The following CABIN1 variants were observed in gnomAD, a reference collection of about 807,000 sequenced individuals.
The protein encoded by CABIN1 is calcineurin-binding protein cabin-1.
Under a neutral mutation model 227.7 loss-of-function variants are expected in CABIN1, and 133 were observed. The observed-to-expected ratio is 0.58, with a 90% CI of 0.51 to 0.67. CABIN1 has a LOEUF of 0.67. Among genes scored for constraint, CABIN1 ranks in the 30% least tolerant of loss-of-function variants. The pLI is 0.00. For missense variants in CABIN1, 2,408 were observed against 2,852.5 expected (o/e 0.84, Z 3.55); for synonymous variants, 1,086 against 1,155.1 (o/e 0.94, Z 1.21).
intron 27 of CABIN1, among the ~76,000 whole-genome samples, chr22:24,118,797 G>A (rs2043230825): frequency 6.6e-6 from 1 of 152,224 alleles, no homozygotes; most frequent in African/African-American, 2.4e-5. Context: ...GATGTGAACT[G>A]CTGCCCCATG....
chr22:24,169,072 G>C (rs918844954), intron 33 of CABIN1, among the ~76,000 whole-genome samples: 3 of 151,320 alleles, frequency 2.0e-5, no homozygotes, highest in Non-Finnish European at 2.9e-5. Flanking sequence ...GGGCTGGGGA[G>C]GGGGGGGCGG....
chr22:24,112,517 C>T (rs545880033), intron 26 of CABIN1, among the ~76,000 whole-genome samples: 10 of 152,260 alleles, frequency 6.6e-5, no homozygotes, highest in African/African-American at 1.9e-4. Context: ...GGAGGGTACT[C>T]CTCCATGTTC....
chr22:24,160,335 C>T (rs35849086), intron 29 of CABIN1: 2,812 of 152,394 alleles, frequency 0.018, 34 homozygotes, highest in Middle Eastern at 0.031. Flanking sequence ...TCCAGGGGCA[C>T]TTGATTTCCT....
chr22:24,091,095 C>T (rs1362354196), intron 23 of CABIN1, among the ~76,000 whole-genome samples: 1 of 152,160 alleles, frequency 6.6e-6, no homozygotes, highest in Non-Finnish European at 1.5e-5. Context: ...GGAATTTGCC[C>T]TTCTACAAGT....
intron 34 of CABIN1, among the ~76,000 whole-genome samples, chr22:24,172,682 A>C (rs965740559): frequency 6.6e-6 from 1 of 152,224 alleles, no homozygotes; most frequent in Non-Finnish European, 1.5e-5. Flanking sequence ...GGCAGCCTGC[A>C]GACAGCTAAG....
At chr22:24,077,280 A>G (rs981468015) in intron 19 of CABIN1, among the ~76,000 whole-genome samples, 2 of 152,148 alleles carry the variant, frequency 1.3e-5, no homozygotes, top group Non-Finnish European at 2.9e-5. Context: ...ACTGAAATTA[A>G]CTTTAGAGAG....
chr22:24,156,927 C>T (rs990677645), intron 29 of CABIN1, among the ~76,000 whole-genome samples: 1 of 152,178 alleles, frequency 6.6e-6, no homozygotes, highest in Non-Finnish European at 1.5e-5. Flanking sequence ...GCAGGAGAGG[C>T]TGGAAACGAG....
intron 26 of CABIN1, among the ~76,000 whole-genome samples, chr22:24,103,573 G>A (rs954583684): frequency 1.3e-5 from 2 of 152,150 alleles, no homozygotes; most frequent in Non-Finnish European, 2.9e-5. Context: ...GTCAGTTTCT[G>A]GTTGGAGTGC....
At chr22:24,033,260 A>G (rs534867220) in intron 1 of CABIN1, among the ~76,000 whole-genome samples, 1 of 152,336 alleles carries the variant, frequency 6.6e-6, no homozygotes, top group South Asian at 2.1e-4. Flanking sequence ...CTCAGAGCCT[A>G]TTGTGAAAGC....
rs1211172511 is a variant in CABIN1, at chr22:24,098,169, C to T, written c.4094C>T (p.Pro1365Leu). 1.9e-6 allele frequency: 3 copies of T among 1,614,058 alleles called. No homozygotes were observed. The Admixed American group carries it at 5.0e-5, about 27-fold the overall frequency. The change falls in exon 26 of 37, where the codon CCC (proline) becomes CTC (leucine). Residue 1365 changes from proline to leucine, a missense_variant. Pro to Leu is a moderately conservative substitution (Grantham distance 98). Around this residue, in one of 3 missense-constraint regions of CABIN1, gnomAD observed 649 missense variants for 910.3 expected, o/e 0.71. Coordinates refer to ENST00000263119, the MANE Select transcript of CABIN1 (RefSeq NM_012295.4). ...IDHDYVKCKK[P>L]HQQATPDDRS... ...CACGATTACGTCAAATGTAAAAAAC[C>T]CCACCAGCAGGCAACGCCGGACGGT... is the stretch of plus-strand genomic sequence containing the variant.
At chr22:24,014,346 C>T (rs2035074085) in intron 1 of CABIN1, among the ~76,000 whole-genome samples, 1 of 151,922 alleles carries the variant, frequency 6.6e-6, no homozygotes, top group African/African-American at 2.4e-5. Flanking sequence ...TATTTTGTTG[C>T]TTACTGTTCC....
intron 7 of CABIN1, among the ~76,000 whole-genome samples, chr22:24,049,996 T>C (rs956008432): frequency 2.0e-5 from 3 of 152,176 alleles, no homozygotes; most frequent in African/African-American, 7.2e-5. Context: ...AACTTATCTG[T>C]TTCTCAGGTC....
Position 24,171,796 on chromosome 22 carries a change from C to T in CABIN1, c.5841C>T (p.Ala1947=). ...NFFPVTVVPT[A]PDPVPADSVQ... ...TTCCTGTGACAGTGGTGCCCACAGC[C>T]CCTGACCCTGTGCCAGCTGACTCTG... is the stretch of plus-strand genomic sequence containing the variant. The change falls in exon 34 of 37, where the codon GCC becomes GCT. Residue 1947 remains alanine (A), a synonymous_variant. Coordinates refer to ENST00000263119, the MANE Select transcript of CABIN1 (RefSeq NM_012295.4). 3 of 1,614,192 alleles carry T rather than the reference C, an allele frequency of 1.9e-6. No individual in the cohort carries two copies. The highest frequency in any genetic ancestry group is 2.5e-6 in the Non-Finnish European group (3 of 1,180,048).
chr22:24,056,523 G>C lies in CABIN1; in HGVS notation c.1262+163G>C, dbSNP rs1443467148. 5.5e-6 allele frequency: 4 copies of C among 723,808 alleles called. No homozygotes were observed. In the Admixed American group the frequency reaches 8.0e-5, roughly 15 times the overall value. 44.8% of individuals were successfully genotyped at this position (723,808 alleles called of 1,614,324 possible). A position where few individuals can be genotyped will look rare whatever the true frequency, so the allele number is the denominator to read the frequency against. On this transcript the variant is annotated intron_variant, in intron 10 of 36. Transcript: ENST00000263119. ...TGAAGCACAAATCTCACTGGAGTAG[G>C]ATCTTGGATTTTTCTCGCCTCTTCC...
Position 24,059,998 on chromosome 22 carries a change from C to G in CABIN1, c.1474C>G (p.Leu492Val), listed in dbSNP as rs537377352. 6.2e-7 allele frequency: 1 copy of G among 1,614,230 alleles called. No homozygotes were observed. Among genetic ancestry groups the G allele is most frequent in the East Asian group, 2.2e-5 (1 of 44,888 alleles). Residue 492 changes from leucine to valine, a missense_variant, in exon 12 of 37, where the codon CTG (leucine) becomes GTG (valine). Leu to Val is a conservative substitution (Grantham distance 32). This residue lies in a region of CABIN1 where 1,045 missense variants were observed against 1,168.4 expected (regional missense o/e 0.89). Coordinates refer to ENST00000263119, the MANE Select transcript of CABIN1 (RefSeq NM_012295.4). ...CATCCTGGAGCTGATGATGCGCTAC[C>G]TGAAAGCCATGGGCCACAAGTTCTT... ...GGILELMMRY[L>V]KAMGHKFLVR...
chr22:24,129,184 C>G (rs571267228), intron 28 of CABIN1, among the ~76,000 whole-genome samples: 1 of 152,336 alleles, frequency 6.6e-6, no homozygotes, highest in Admixed American at 6.5e-5. Context: ...GCCAAGCCCC[C>G]ACTACATGCA....
rs147951333 is a variant in CABIN1 at position 24,063,016 on chromosome 22, C to A, written c.1754C>A (p.Pro585Gln). Residue 585 changes from proline (P) to glutamine (Q), a missense_variant, in exon 14 of 37, where the codon CCA (proline) becomes CAA (glutamine). This residue lies in a region of CABIN1 where 1,045 missense variants were observed against 1,168.4 expected (regional missense o/e 0.89). Transcript: ENST00000263119. ...AATGGCAGATTTGGACCTGACTTCC[C>A]AGGGACCCACTGCCTGGGTGACCTC... is the stretch of plus-strand genomic sequence containing the variant. ...MVNGRFGPDF[P>Q]GTHCLGDLLQ... The A allele has an allele frequency of 3.1e-6, 5 of 1,614,202 alleles. No homozygotes were observed. Among genetic ancestry groups the A allele is most frequent in the Non-Finnish European group, 4.2e-6 (5 of 1,180,034 alleles).
chr22:24,134,757 A>G (rs1183163935), intron 29 of CABIN1, among the ~76,000 whole-genome samples: 1 of 152,244 alleles, frequency 6.6e-6, no homozygotes, highest in Non-Finnish European at 1.5e-5. Context: ...TGTGGTCTCA[A>G]GCACGTAGGA....
intron 9 of CABIN1, 123 bp from the exon 10 acceptor site, chr22:24,056,069 T>A (rs1440992847): frequency 1.2e-6 from 1 of 841,710 alleles, no homozygotes. Context: ...GATGGAAGAT[T>A]TTTTGAATGT....
Sources: gnomAD v4.1 joint callset for allele counts (sites outside exome capture counted in the v4.1 genomes callset) on GRCh38, gnomAD v4.1.1 for gene constraint, gnomAD v4.1.1 regional missense constraint, MANE v1.5 for transcripts, NCBI Gene and HGNC (gene_info 2026-07-23, HGNC 2026-07-21) for gene names.